KNDC1: variants seen among roughly 807,000 people sequenced by gnomAD.
KNDC1 encodes the protein kinase non-catalytic C-lobe domain containing 1, also known as kinase non-catalytic C-lobe domain-containing protein 1.
A neutral mutation model predicts 172.8 loss-of-function variants in KNDC1; 106 were observed. That is an observed-to-expected ratio of 0.61 (90% CI 0.52 to 0.72). The LOEUF (loss-of-function observed/expected upper bound fraction) is 0.72. Among genes scored for constraint, KNDC1 ranks in the 30% least tolerant of loss-of-function variants. The probability of loss-of-function intolerance (pLI) is 0.00; values close to 1 mark genes in which losing one functional copy is unlikely to be tolerated. For synonymous variants in KNDC1, 1,083 were observed against 1,062.2 expected (o/e 1.02, Z -0.38); for missense variants, 2,325 against 2,394.5 (o/e 0.97, Z 0.61).
intron 3 of KNDC1, among the ~76,000 whole-genome samples, 191 bp from the exon 4 acceptor site, chr10:133,183,153 C>T (rs571011551): frequency 1.5e-4 from 22 of 149,730 alleles, no homozygotes; most frequent in Middle Eastern, 3.6e-3. Context: ...AGCGTGGGCG[C>T]GGGCGGCGAG....
At chr10:133,186,769 A>C in intron 6 of KNDC1, 95 bp downstream of exon 6, 8 of 852,754 alleles carry the variant, frequency 9.4e-6, no homozygotes, top group South Asian at 5.4e-5. Flanking sequence ...TGTTTAACTC[A>C]GAGAATTAAC....
At chr10:133,194,522 T>A (rs1854135963) in intron 9 of KNDC1, among the ~76,000 whole-genome samples, 1 of 152,344 alleles carries the variant, frequency 6.6e-6, no homozygotes, top group East Asian at 1.9e-4. Context: ...TGTACAATTA[T>A]CACAAAATAA....
chr10:133,188,846 GT>G (rs1178991673), intron 7 of KNDC1, among the ~76,000 whole-genome samples, 193 bp downstream of exon 7: 44 of 151,744 alleles, frequency 2.9e-4, no homozygotes, highest in Non-Finnish European at 4.0e-4. Flanking sequence ...AGCCAGGACA[GT>G]GTCTCCGGTG....
chr10:133,199,432 T>C, intron 14 of KNDC1, 26 bp from the exon 15 acceptor site: 1 of 1,610,736 alleles, frequency 6.2e-7, no homozygotes, highest in Non-Finnish European at 8.5e-7. Context: ...ACCATCTCAC[T>C]TGTCTCCATC....
At position 133,194,511 on chromosome 10, in the gene KNDC1, A is replaced by G. The variant is rs191927407; in HGVS notation, c.1576-1152A>G. 3.5e-4 allele frequency among the ~76,000 whole-genome samples: 54 copies of G among 152,362 alleles called. No homozygotes were observed. In the East Asian group the frequency reaches 9.8e-3, roughly 28 times the overall value. On this transcript the variant is annotated intron_variant, in intron 9 of 29. Coordinates refer to ENST00000304613, the MANE Select transcript of KNDC1 (RefSeq NM_152643.8). Reference sequence around the variant, plus strand: ...ATGAGCTCTATTATTTATTAAAACTATGTACAATTATCACAAAATAAAAGG... The same window carrying G: ...ATGAGCTCTATTATTTATTAAAACTGTGTACAATTATCACAAAATAAAAGG...
intron 6 of KNDC1, among the ~76,000 whole-genome samples, chr10:133,188,091 G>C (rs11594978): frequency 6.6e-6 from 1 of 151,922 alleles, no homozygotes; most frequent in African/African-American, 2.4e-5. Flanking sequence ...TCCCTGTCCC[G>C]AGGCCAAGCG....
At chr10:133,202,030 C>T (rs1854389543) in intron 17 of KNDC1, 132 bp downstream of exon 17, 2 of 1,060,186 alleles carry the variant, frequency 1.9e-6, no homozygotes, top group Non-Finnish European at 2.8e-6. Context: ...TCCTGGTGCC[C>T]CCACCCCGTG....
Position 133,201,720 on chromosome 10 carries a change from C to T in KNDC1, c.3209C>T (p.Ala1070Val), listed in dbSNP as rs1854374346. ...GACGTGGAGGCAGTGACCCGACTGG[C>T]CAGGTCCAAAGGGGTCGGCCCAGCC... is the stretch of plus-strand genomic sequence containing the variant. The part of the protein sequence containing the change: ...ASDVEAVTRL[A>V]RSKGVGPALS... Residue 1070 changes from alanine to valine, a missense_variant, in exon 17 of 30, where the codon GCC becomes GTC. Coordinates refer to ENST00000304613, the MANE Select transcript of KNDC1 (RefSeq NM_152643.8). 6.2e-7 allele frequency: 1 copy of T among 1,608,376 alleles called. No individual in the cohort carries two copies. Among genetic ancestry groups the T allele is most frequent in the African/African-American group, 1.3e-5 (1 of 74,856 alleles).
intron 3 of KNDC1, among the ~76,000 whole-genome samples, chr10:133,180,158 C>G (rs1404022232): frequency 6.6e-6 from 1 of 152,270 alleles, no homozygotes; most frequent in Non-Finnish European, 1.5e-5. Flanking sequence ...AGCACAGTTT[C>G]TCACAGAAAT....
Position 133,198,956 on chromosome 10 carries a change from G to A in KNDC1, c.2448G>A (p.Leu816=), listed in dbSNP as rs1247303355. 3 of 1,549,988 alleles carry A rather than the reference G, an allele frequency of 1.9e-6. No individual in the cohort carries two copies. In the East Asian group the frequency reaches 7.2e-5, roughly 37 times the overall value. ...CCGGGGGCCTCAGGCCCGACGCCCT[G>A]GGGCCCACCACGGCCCACCACGGCC... ...VASGGLRPDA[L]GPTTAHHGPR... The change falls in exon 14 of 30, where the codon CTG becomes CTA. Residue 816 remains leucine, a synonymous_variant. Transcript: ENST00000304613.
Position 133,218,841 on chromosome 10 carries a change from A to G in KNDC1, c.4688A>G (p.Asn1563Ser). 1 of 1,611,358 alleles carries G rather than the reference A, an allele frequency of 6.2e-7. No homozygotes were observed. The highest frequency in any genetic ancestry group is 8.5e-7 in the Non-Finnish European group (1 of 1,177,690). ...VTSHTSKLQV[N>S]LLSKFLLIAK... ...ATTTTCTTATTGCAGCTGCAGGTGA[A>G]CTTGCTGTCCAAATTTTTGCTGATT... Residue 1563 changes from asparagine (N) to serine (S), a missense_variant, in exon 27 of 30, where the codon AAC becomes AGC. Physicochemically the swap from Asn to Ser is conservative, Grantham distance 46. Coordinates refer to ENST00000304613, the MANE Select transcript of KNDC1 (RefSeq NM_152643.8).
At position 133,198,011 on chromosome 10, in the gene KNDC1, C is replaced by G. The variant is rs191636868; in HGVS notation, c.1906+243C>G. ...TCACTCCCATCTCCCAGCAGCTGGC[C>G]CTCCCAAGCCCACATCTGGAGACCC... On this transcript the variant is annotated intron_variant, in intron 12 of 29. Transcript: ENST00000304613. Among the ~76,000 whole-genome samples the G allele has an allele frequency of 2.0e-5, 3 of 152,298 alleles. No homozygotes were observed. In the East Asian group the frequency reaches 5.8e-4, roughly 29 times the overall value.
chr10:133,182,696 A>G (rs1853752626), intron 3 of KNDC1, among the ~76,000 whole-genome samples: 5 of 152,252 alleles, frequency 3.3e-5, no homozygotes, highest in Admixed American at 3.3e-4. Flanking sequence ...TTCTACTGAA[A>G]TCCAGTTTTT....
chr10:133,224,358 C>T lies in KNDC1; in HGVS notation c.5019-301C>T, dbSNP rs1421480223. Among the ~76,000 whole-genome samples, 1 of 152,160 alleles carries T rather than the reference C, an allele frequency of 6.6e-6. No individual in the cohort carries two copies. The highest frequency in any genetic ancestry group is 1.5e-5 in the Non-Finnish European group (1 of 68,032). ...GCCTGCCTCGTCCTCTCAGCTGCAG[C>T]CCCTGCGGCAGACTGGGCTTGACTC... On this transcript the variant is annotated intron_variant, in intron 29 of 29. Transcript: ENST00000304613. This position sits in a 1 kb window ranked among gnomAD's most constrained non-coding sequence, Gnocchi z 5.4.
Position 133,212,894 on chromosome 10 carries a change from T to C in KNDC1, c.4415T>C (p.Leu1472Pro). 3 of 1,613,284 alleles carry C rather than the reference T, an allele frequency of 1.9e-6. No homozygotes were observed. Among genetic ancestry groups the C allele is most frequent in the Non-Finnish European group, 2.5e-6 (3 of 1,179,552 alleles). Residue 1472 changes from leucine to proline, a missense_variant, in exon 24 of 30, where the codon CTC (leucine) becomes CCC (proline). By Grantham distance (98) the Leu-to-Pro change is moderately conservative. Coordinates refer to ENST00000304613, the MANE Select transcript of KNDC1 (RefSeq NM_152643.8). Reference sequence around the variant, plus strand: ...CTGACGGAGTACAGCACTCACCAGCTCTTCAGCCAGCTCACGCTGCTACAG... The same window carrying C: ...CTGACGGAGTACAGCACTCACCAGCCCTTCAGCCAGCTCACGCTGCTACAG... The part of the protein sequence containing the change: ...YFLTEYSTHQ[L>P]FSQLTLLQQE...
Position 133,218,875 on chromosome 10 carries a change from T to C in KNDC1, c.4722T>C (p.Ser1574=), listed in dbSNP as rs1457804794. The C allele has an allele frequency of 2.5e-6, 4 of 1,613,720 alleles. No individual in the cohort carries two copies. The highest frequency in any genetic ancestry group is 3.4e-6 in the Non-Finnish European group (4 of 1,179,708). The change falls in exon 27 of 30, where the codon TCT becomes TCC. Residue 1574 remains serine (S), a synonymous_variant. Coordinates refer to ENST00000304613, the MANE Select transcript of KNDC1 (RefSeq NM_152643.8). ...LLSKFLLIAK[S]CYEQRNFATA... ...CCAAATTTTTGCTGATTGCAAAATCTTGCTATGAGCAGAGAAACTTCGCGA... is the reference window on the plus strand; with the variant it reads ...CCAAATTTTTGCTGATTGCAAAATCCTGCTATGAGCAGAGAAACTTCGCGA...
At chr10:133,221,219 A>G (rs55901285) in intron 29 of KNDC1, among the ~76,000 whole-genome samples, 2,452 of 152,084 alleles carry the variant, frequency 0.016, 78 homozygotes, top group African/African-American at 0.056. Context: ...CTCCCTAGAG[A>G]CATCCAGGTG....
In KNDC1 at chr10:133,206,870, A is replaced by G; in HGVS notation, c.3496A>G (p.Thr1166Ala). The change falls in exon 19 of 30, where the codon ACC becomes GCC. Residue 1166 changes from threonine to alanine, a missense_variant. By Grantham distance (58) the Thr-to-Ala change is moderately conservative. Coordinates refer to ENST00000304613, the MANE Select transcript of KNDC1 (RefSeq NM_152643.8). ...TCCACCCACAGGTTCCGACGTCAAG[A>G]CCATGCTGTCCAAGCTGAAAGGGCA... ...EKRNKGSDVK[T>A]MLSKLKGQLE... The G allele has an allele frequency of 6.2e-7, 1 of 1,614,114 alleles. No homozygotes were observed. The highest frequency in any genetic ancestry group is 8.5e-7 in the Non-Finnish European group (1 of 1,179,986).
chr10:133,189,239 C>T (rs537837558), intron 7 of KNDC1, among the ~76,000 whole-genome samples: 3 of 152,300 alleles, frequency 2.0e-5, no homozygotes, highest in African/African-American at 4.8e-5. Context: ...CTCCAGTGTC[C>T]GTCCACCGTG....
Sources: gnomAD v4.1 joint callset for allele counts (sites outside exome capture counted in the v4.1 genomes callset) on GRCh38, gnomAD v4.1.1 for gene constraint, Gnocchi (gnomAD v3.1) non-coding constraint, MANE v1.5 for transcripts, NCBI Gene and HGNC (gene_info 2026-07-23, HGNC 2026-07-21) for gene names.